The following NHERF2 variants were observed in gnomAD, a reference collection of about 807,000 sequenced individuals.
NHERF2 encodes the protein NHERF family PDZ scaffold protein 2, also known as Na(+)/H(+) exchange regulatory cofactor NHE-RF2.
chr16:2,038,173 A>C, the NHERF2 span: 1 of 643,492 alleles, frequency 1.6e-6, no homozygotes, highest in Non-Finnish European at 2.7e-6. Flanking sequence ...TGGCAGCAAG[A>C]TAGGGGGAGA....
the NHERF2 span, among the ~76,000 whole-genome samples, chr16:2,033,625 T>C: frequency 6.6e-6 from 1 of 152,188 alleles, no homozygotes; most frequent in Non-Finnish European, 1.5e-5. Context: ...CCAGCCTCTT[T>C]GTCCGGACAC....
At chr16:2,028,270 A>G in the NHERF2 span, among the ~76,000 whole-genome samples, 1 of 152,188 alleles carries the variant, frequency 6.6e-6, no homozygotes, top group Non-Finnish European at 1.5e-5. Context: ...GGCCGGCCCC[A>G]TGCCTTCCAC....
chr16:2,033,386 G>A, the NHERF2 span: 11 of 1,533,170 alleles, frequency 7.2e-6, no homozygotes, highest in East Asian at 2.4e-5. Flanking sequence ...CCACCTGCCC[G>A]GGCTCCGGGA....
the NHERF2 span, chr16:2,036,550 C>A: frequency 3.2e-6 from 5 of 1,543,648 alleles, no homozygotes; most frequent in South Asian, 5.9e-5. Context: ...CCGCACCTGT[C>A]CACACTGGGG....
chr16:2,027,768 G>T, the NHERF2 span, among the ~76,000 whole-genome samples: 6 of 152,308 alleles, frequency 3.9e-5, no homozygotes, highest in South Asian at 4.1e-4. Flanking sequence ...ACTCCTGGGC[G>T]TATGGGAGCT....
the NHERF2 span, chr16:2,035,598 C>T: frequency 5.3e-5 from 52 of 986,718 alleles, no homozygotes; most frequent in African/African-American, 2.8e-4. Context: ...CCACCGCCGC[C>T]GCACCCTGGC....
the NHERF2 span, among the ~76,000 whole-genome samples, chr16:2,030,815 C>T: frequency 6.6e-6 from 1 of 151,994 alleles, no homozygotes; most frequent in Non-Finnish European, 1.5e-5. Flanking sequence ...GTGGGGCACG[C>T]CTATAGTCCC....
At chr16:2,034,996 T>C in the NHERF2 span, among the ~76,000 whole-genome samples, 151,659 of 152,178 alleles carry the variant, frequency 1, 75,598 homozygotes, top group Middle Eastern at 1. Flanking sequence ...TTGCACCCTC[T>C]AATTCAGCCC....
chr16:2,032,132 G>A, the NHERF2 span, among the ~76,000 whole-genome samples: 2 of 150,872 alleles, frequency 1.3e-5, no homozygotes, highest in Non-Finnish European at 2.9e-5. The surrounding 1 kb of genome is among the most constrained non-coding windows in gnomAD (Gnocchi z 4.0). Context: ...CAATTCTTAT[G>A]TCTCAGCCTG....
chr16:2,029,248 T>C, the NHERF2 span, among the ~76,000 whole-genome samples: 1 of 152,096 alleles, frequency 6.6e-6, no homozygotes, highest in South Asian at 2.1e-4. Flanking sequence ...TGTGCACCAT[T>C]TTTGTCACTT....
chr16:2,037,181 T>C, the NHERF2 span, among the ~76,000 whole-genome samples: 10 of 152,176 alleles, frequency 6.6e-5, no homozygotes, highest in South Asian at 6.2e-4. Context: ...ACAAGCCACG[T>C]GGGGCCCCTG....
the NHERF2 span, among the ~76,000 whole-genome samples, chr16:2,029,989 A>G: frequency 6.6e-6 from 1 of 152,208 alleles, no homozygotes; most frequent in Admixed American, 6.5e-5. Flanking sequence ...GGGTAGGGTC[A>G]GGGCAGCCTG....
chr16:2,036,001 C>G, the NHERF2 span: 11 of 338,840 alleles, frequency 3.2e-5, no homozygotes, highest in African/African-American at 2.1e-4. Flanking sequence ...AGGCCAACGG[C>G]GACAGTTCAT....
chr16:2,036,568 T>A, the NHERF2 span: 3 of 1,527,526 alleles, frequency 2.0e-6, no homozygotes, highest in South Asian at 2.4e-5. Context: ...GGGCCCTGGG[T>A]CCTTGCAGGG....
At chr16:2,034,743 G>A in the NHERF2 span, among the ~76,000 whole-genome samples, 1 of 132,542 alleles carries the variant, frequency 7.5e-6, no homozygotes, top group African/African-American at 2.9e-5. Context: ...CTGTCCCCAC[G>A]CCTTCCCTCC....
At chr16:2,034,086 C>T in the NHERF2 span, among the ~76,000 whole-genome samples, 4 of 152,208 alleles carry the variant, frequency 2.6e-5, no homozygotes, top group Non-Finnish European at 4.4e-5. Flanking sequence ...GATCCTGCTT[C>T]CTGTCTGGTG....
chr16:2,038,459 A>G, the NHERF2 span: 1 of 368,554 alleles, frequency 2.7e-6, no homozygotes, highest in African/African-American at 2.6e-5. Context: ...AATAATTGCA[A>G]TAAAACAAAC....
At chr16:2,029,098 ACG>A in the NHERF2 span, among the ~76,000 whole-genome samples, 1 of 152,176 alleles carries the variant, frequency 6.6e-6, no homozygotes, top group Non-Finnish European at 1.5e-5. Context: ...GCAGAGAATG[ACG>A]GGAATGGGCA....
chr16:2,031,262 C>T, the NHERF2 span, among the ~76,000 whole-genome samples: 7 of 152,292 alleles, frequency 4.6e-5, no homozygotes, highest in African/African-American at 1.2e-4. Flanking sequence ...CACAGTGGTG[C>T]TCAGGGCCAA....
Sources: gnomAD v4.1 joint callset for allele counts (sites outside exome capture counted in the v4.1 genomes callset) on GRCh38, gnomAD v4.1.1 for gene constraint, Gnocchi (gnomAD v3.1) non-coding constraint, MANE v1.5 for transcripts, NCBI Gene and HGNC (gene_info 2026-07-23, HGNC 2026-07-21) for gene names.